The following SLC25A21 variants were observed in gnomAD, a reference collection of about 807,000 sequenced individuals.
SLC25A21 encodes mitochondrial 2-oxodicarboxylate carrier.
In SLC25A21, 47 loss-of-function variants were observed where a neutral mutation model predicts 43.8. The observed-to-expected ratio is 1.07, with a 90% CI of 0.85 to 1.37. The LOEUF (loss-of-function observed/expected upper bound fraction) is 1.37, where lower values mean the gene tolerates loss of function less well. SLC25A21 is among the 40% of genes most tolerant of loss of function. SLC25A21 has a pLI of 0.00. For missense variants in SLC25A21, 352 were observed against 350.2 expected (o/e 1.00, Z -0.04); for synonymous variants, 131 against 121.3 (o/e 1.08, Z -0.52).
In SLC25A21 at chr14:36,694,857, T is replaced by C. The variant is rs180881545; in HGVS notation, c.604-9932A>G. On this transcript the variant is annotated intron_variant, in intron 7 of 9. Transcript: ENST00000331299. ...CAAAAATTTTCTCCCATTCTGTAGGTTGCCTGTTCTCTCTGATGGTAGTTT... is the reference window on the plus strand; with the variant it reads ...CAAAAATTTTCTCCCATTCTGTAGGCTGCCTGTTCTCTCTGATGGTAGTTT... Among the ~76,000 whole-genome samples, 301 of 152,324 alleles carry C rather than the reference T, an allele frequency of 2.0e-3. 1 individual carries two copies. Among genetic ancestry groups the C allele is most frequent in the Non-Finnish European group, 3.3e-3 (223 of 68,030 alleles).
At chr14:36,978,332 T>C (rs1490223803) in intron 1 of SLC25A21, among the ~76,000 whole-genome samples, 1 of 152,210 alleles carries the variant, frequency 6.6e-6, no homozygotes, top group Non-Finnish European at 1.5e-5. Context: ...ACATAAAAGT[T>C]ATGTTTACAC....
chr14:36,919,957 G>C (rs1891935638), intron 1 of SLC25A21, among the ~76,000 whole-genome samples: 1 of 152,014 alleles, frequency 6.6e-6, no homozygotes, highest in African/African-American at 2.4e-5. Flanking sequence ...TTTGTATATA[G>C]ATGTGTCCTG....
intron 1 of SLC25A21, among the ~76,000 whole-genome samples, chr14:36,958,901 A>G (rs1959414842): frequency 1.3e-5 from 2 of 152,336 alleles, no homozygotes; most frequent in African/African-American, 4.8e-5. Context: ...CTGGAAGATT[A>G]ACACATTTCT....
chr14:37,026,847 T>G (rs953183394), intron 1 of SLC25A21, among the ~76,000 whole-genome samples: 2 of 152,136 alleles, frequency 1.3e-5, no homozygotes, highest in Non-Finnish European at 2.9e-5. Context: ...ATAATAGTTG[T>G]CCCGTGTGTG....
At chr14:37,101,043 T>C (rs911688981) in intron 1 of SLC25A21, among the ~76,000 whole-genome samples, 1 of 152,192 alleles carries the variant, frequency 6.6e-6, no homozygotes, top group Non-Finnish European at 1.5e-5. Context: ...AATAATCTAA[T>C]ATGATGATTT....
At chr14:37,115,157 C>T (rs892191766) in intron 1 of SLC25A21, among the ~76,000 whole-genome samples, 1 of 152,144 alleles carries the variant, frequency 6.6e-6, no homozygotes, top group Non-Finnish European at 1.5e-5. Context: ...GTTCTGGCAT[C>T]TTTTGCCCGG....
intron 1 of SLC25A21, among the ~76,000 whole-genome samples, chr14:37,089,465 C>T (rs1962543773): frequency 6.6e-6 from 1 of 151,988 alleles, no homozygotes; most frequent in African/African-American, 2.4e-5. Flanking sequence ...AAATATATTC[C>T]ACTGGTATGT....
At chr14:36,992,334 G>A (rs1244754248) in intron 1 of SLC25A21, among the ~76,000 whole-genome samples, 1 of 152,152 alleles carries the variant, frequency 6.6e-6, no homozygotes, top group African/African-American at 2.4e-5. Flanking sequence ...TTTGAGTCCA[G>A]GTCACAGCTG....
At chr14:37,153,614 C>G (rs770155727) in intron 1 of SLC25A21, among the ~76,000 whole-genome samples, 1 of 152,230 alleles carries the variant, frequency 6.6e-6, no homozygotes, top group Non-Finnish European at 1.5e-5. Flanking sequence ...TCCCTACCCA[C>G]TGGCCCAGGC....
chr14:37,048,890 A>G (rs1290837331), intron 1 of SLC25A21, among the ~76,000 whole-genome samples: 1 of 152,164 alleles, frequency 6.6e-6, no homozygotes, highest in Non-Finnish European at 1.5e-5. Flanking sequence ...AGTTTTGCCA[A>G]AGCAGGCTTA....
At chr14:37,076,904 A>G (rs1456458959) in intron 1 of SLC25A21, among the ~76,000 whole-genome samples, 2 of 152,252 alleles carry the variant, frequency 1.3e-5, no homozygotes, top group African/African-American at 2.4e-5. Flanking sequence ...ACAATTACAC[A>G]GACTAATAAA....
intron 7 of SLC25A21, 93 bp from the exon 8 acceptor site, chr14:36,685,018 T>C (rs1882474037): frequency 1.1e-6 from 1 of 937,808 alleles, no homozygotes; most frequent in Non-Finnish European, 1.5e-6. Context: ...AAGCAGAGCA[T>C]TGCACTCCCG....
At chr14:36,758,405 C>A (rs1190810638) in intron 3 of SLC25A21, among the ~76,000 whole-genome samples, 1 of 152,018 alleles carries the variant, frequency 6.6e-6, no homozygotes, top group Non-Finnish European at 1.5e-5. Context: ...TCCCTCTGGG[C>A]CCAGGGCATG....
intron 1 of SLC25A21, among the ~76,000 whole-genome samples, chr14:37,075,722 G>T (rs2138831358): frequency 6.6e-6 from 1 of 152,260 alleles, no homozygotes; most frequent in South Asian, 2.1e-4. Flanking sequence ...ATATACATGT[G>T]GATTTAAGAT....
intron 1 of SLC25A21, among the ~76,000 whole-genome samples, chr14:37,066,358 C>T (rs2138818891): frequency 6.6e-6 from 1 of 152,078 alleles, no homozygotes; most frequent in South Asian, 2.1e-4. Flanking sequence ...AAAAAGGCTT[C>T]AAAGACATGA....
chr14:36,732,337 A>G (rs1884861850), intron 4 of SLC25A21, among the ~76,000 whole-genome samples: 1 of 151,538 alleles, frequency 6.6e-6, no homozygotes, highest in African/African-American at 2.4e-5. Context: ...TCCTTGAGAA[A>G]CTGCACATGG....
chr14:36,699,583 T>C (rs1004697144), intron 7 of SLC25A21, among the ~76,000 whole-genome samples: 2 of 152,186 alleles, frequency 1.3e-5, no homozygotes, highest in Admixed American at 6.5e-5. Context: ...GGAGGCCTCG[T>C]TGAGCTGTGG....
intron 1 of SLC25A21, among the ~76,000 whole-genome samples, chr14:36,985,504 CCTTT>C (rs1023045948): frequency 8.5e-5 from 13 of 152,230 alleles, no homozygotes; most frequent in Admixed American, 1.3e-4. Context: ...ATTCATCAAT[CCTTT>C]CTTTATCTTA....
At chr14:36,756,579 CT>C (rs991069411) in intron 3 of SLC25A21, among the ~76,000 whole-genome samples, 9 of 152,308 alleles carry the variant, frequency 5.9e-5, no homozygotes, top group Admixed American at 5.9e-4. Flanking sequence ...TGATTGGTCA[CT>C]GCCTACCCAT....
Sources: allele counts gnomAD v4.1 joint callset (sites outside exome capture counted in the v4.1 genomes callset), GRCh38; gene constraint gnomAD v4.1.1; transcripts MANE v1.5; gene names NCBI Gene and HGNC (gene_info 2026-07-23, HGNC 2026-07-21).